The following ADARB2 variants were observed in gnomAD, a reference collection of about 807,000 sequenced individuals.
The protein encoded by ADARB2 is inactive double-stranded RNA-specific editase B2.
A neutral mutation model predicts 62.2 loss-of-function variants in ADARB2; 25 were observed. The ratio of observed to expected loss-of-function variants is 0.40; its 90% CI spans 0.29 to 0.56. The LOEUF is 0.56. Among genes scored for constraint, ADARB2 ranks in the 20% least tolerant of loss-of-function variants. The pLI, the probability that ADARB2 is intolerant of heterozygous loss-of-function variation, is 0.43. For missense variants in ADARB2, 1,071 were observed against 1,077.4 expected (o/e 0.99, Z 0.08); for synonymous variants, 572 against 500.8 (o/e 1.14, Z -1.90).
chr10:1,304,524 C>T (rs1831607617), intron 3 of ADARB2, among the ~76,000 whole-genome samples: 1 of 152,196 alleles, frequency 6.6e-6, no homozygotes, highest in South Asian at 2.1e-4. Context: ...AACAAGCAGA[C>T]CTAATAGACA....
At chr10:1,612,786 GC>G (rs1337807030) in intron 1 of ADARB2, among the ~76,000 whole-genome samples, 1 of 152,158 alleles carries the variant, frequency 6.6e-6, no homozygotes, top group Non-Finnish European at 1.5e-5. Flanking sequence ...ATTTATAAGG[GC>G]TACGTTGTAT....
chr10:1,205,263 TGTTTTAGGGCCACCTAAAACAACAG>T (rs1200870779), intron 7 of ADARB2, among the ~76,000 whole-genome samples: 69 of 136,990 alleles, frequency 5.0e-4, no homozygotes, highest in African/African-American at 1.4e-3. Context: ...AGGGCCTTGT[TGTTTTAGGGCCACCTAAAACAACAG>T]GTTTTAGGTG....
Position 1,568,304 on chromosome 10 carries a change from C to T in ADARB2, c.100+168747G>A, listed in dbSNP as rs2813402. Reference sequence around the variant, plus strand: ...TGCCAGGAAACGCTCAGCGGGGAGGCGGAGGGAAGGAAGGGCTCCTGCACC... The same window carrying T: ...TGCCAGGAAACGCTCAGCGGGGAGGTGGAGGGAAGGAAGGGCTCCTGCACC... On this transcript the variant is annotated intron_variant, in intron 1 of 9. Transcript: ENST00000381312. 9.0e-3 allele frequency among the ~76,000 whole-genome samples: 1,362 copies of T among 152,134 alleles called. 18 individuals carry two copies. The highest frequency in any genetic ancestry group is 0.031 in the African/African-American group (1,297 of 41,500).
chr10:1,637,651 T>C (rs910169754), intron 1 of ADARB2, among the ~76,000 whole-genome samples: 1 of 152,118 alleles, frequency 6.6e-6, no homozygotes, highest in Non-Finnish European at 1.5e-5. Flanking sequence ...ATTCTTCTGA[T>C]TAGATTTCTA....
At chr10:1,270,890 A>G in intron 4 of ADARB2, 65 bp downstream of exon 4, 1 of 1,415,616 alleles carries the variant, frequency 7.1e-7, no homozygotes, top group Non-Finnish European at 9.8e-7. Context: ...CTCCAAGATC[A>G]GGTAGATGCT....
Position 1,587,896 on chromosome 10 carries a change from T to C in ADARB2, c.100+149155A>G, listed in dbSNP as rs150128686. ...CTCTTGGCTCTCATTCTCTCTTGAC[T>C]GCCGCCATGTAAGATGTGCCTTTCA... On this transcript the variant is annotated intron_variant, in intron 1 of 9. Transcript: ENST00000381312. 1.2e-3 allele frequency among the ~76,000 whole-genome samples: 180 copies of C among 152,288 alleles called. 1 individual carries two copies. The highest frequency in any genetic ancestry group is 4.2e-3 in the African/African-American group (173 of 41,578).
intron 1 of ADARB2, among the ~76,000 whole-genome samples, chr10:1,681,756 C>T (rs543224449): frequency 6.6e-6 from 1 of 152,338 alleles, no homozygotes; most frequent in South Asian, 2.1e-4. Context: ...ACAATGGGGC[C>T]TGATAACATG....
intron 3 of ADARB2, chr10:1,290,928 G>A (rs1831460720): frequency 2.6e-5 from 4 of 152,174 alleles, no homozygotes; most frequent in Admixed American, 2.6e-4. Flanking sequence ...TTGAGCCCGG[G>A]TTTAATTAGG....
At position 1,709,026 on chromosome 10, in the gene ADARB2, C is replaced by T. The variant is rs75963197; in HGVS notation, c.100+28025G>A. ...AATATGGAGGGAGGAGGGGAGGTCA[C>T]GTCGGGTCCTGAGAAACCTTCTCAG... On this transcript the variant is annotated intron_variant, in intron 1 of 9. Transcript: ENST00000381312. 1.1e-4 allele frequency among the ~76,000 whole-genome samples: 16 copies of T among 152,256 alleles called. No homozygotes were observed. In the East Asian group the frequency reaches 2.5e-3, roughly 24 times the overall value.
chr10:1,358,451 A>G (rs541787605), intron 3 of ADARB2, among the ~76,000 whole-genome samples: 66 of 152,294 alleles, frequency 4.3e-4, no homozygotes, highest in Middle Eastern at 3.4e-3. Context: ...TGTCTTGAAT[A>G]CCTGCATTCC....
rs991147975 is a variant in ADARB2 at position 1,502,510 on chromosome 10, G to A, written c.101-123350C>T. ...GGTCACCCCTCCCAGGCTTGAATCA[G>A]TGACACGGCAACCCATGGAAGAAGC... On this transcript the variant is annotated intron_variant, in intron 1 of 9. Transcript: ENST00000381312. Among the ~76,000 whole-genome samples, 14 of 152,216 alleles carry A rather than the reference G, an allele frequency of 9.2e-5. 1 individual carries two copies. The highest frequency in any genetic ancestry group is 4.4e-5 in the Non-Finnish European group (3 of 68,034).
intron 3 of ADARB2, among the ~76,000 whole-genome samples, chr10:1,278,717 T>G (rs1831343860): frequency 6.6e-6 from 1 of 152,102 alleles, no homozygotes; most frequent in African/African-American, 2.4e-5. Flanking sequence ...TTGGAGGTCC[T>G]CTCCCTCATC....
chr10:1,492,732 C>G (rs34210671), intron 1 of ADARB2, among the ~76,000 whole-genome samples: 2 of 151,966 alleles, frequency 1.3e-5, no homozygotes, highest in South Asian at 2.1e-4. Flanking sequence ...GGGACCCCGG[C>G]CTTCTGAGTC....
chr10:1,268,701 A>T (rs1831230697), intron 4 of ADARB2, among the ~76,000 whole-genome samples: 1 of 152,124 alleles, frequency 6.6e-6, no homozygotes, highest in Non-Finnish European at 1.5e-5. Flanking sequence ...CTAATTTTTT[A>T]AAATCAGTGT....
At chr10:1,728,075 G>C (rs1461653113) in intron 1 of ADARB2, among the ~76,000 whole-genome samples, 1 of 152,234 alleles carries the variant, frequency 6.6e-6, no homozygotes, top group Non-Finnish European at 1.5e-5. Context: ...CACAGGAAGA[G>C]ACTTGGAAGT....
chr10:1,217,366 CAG>C (rs1187837511), intron 6 of ADARB2, among the ~76,000 whole-genome samples: 2 of 152,320 alleles, frequency 1.3e-5, no homozygotes, highest in East Asian at 3.9e-4. Context: ...CTTCATGGGC[CAG>C]ACTCTCTTTT....
chr10:1,694,220 C>G (rs1355128390), intron 1 of ADARB2, among the ~76,000 whole-genome samples: 1 of 152,230 alleles, frequency 6.6e-6, no homozygotes, highest in Non-Finnish European at 1.5e-5. Flanking sequence ...CAAGCATTCT[C>G]TACACAGAAA....
intron 1 of ADARB2, among the ~76,000 whole-genome samples, chr10:1,553,342 T>C (rs939567678): frequency 2.0e-5 from 3 of 152,216 alleles, no homozygotes; most frequent in African/African-American, 4.8e-5. Context: ...CAAACTCTTC[T>C]GGCACCGGGC....
At chr10:1,734,804 A>G (rs2119052414) in intron 1 of ADARB2, among the ~76,000 whole-genome samples, 1 of 152,340 alleles carries the variant, frequency 6.6e-6, no homozygotes, top group Admixed American at 6.5e-5. Flanking sequence ...TTAATATCAG[A>G]TAAGCTTAAA....
Sources: allele counts gnomAD v4.1 joint callset (sites outside exome capture counted in the v4.1 genomes callset), GRCh38; gene constraint gnomAD v4.1.1; transcripts MANE v1.5; gene names NCBI Gene and HGNC (gene_info 2026-07-23, HGNC 2026-07-21).